TAF1: variants seen among roughly 807,000 people sequenced by gnomAD.
TAF1 encodes the protein TATA-box binding protein associated factor 1.
A neutral mutation model predicts 138.5 loss-of-function variants in TAF1; 2 were observed. The observed-to-expected ratio is 0.01, with a 90% CI of 0.01 to 0.05. The LOEUF is 0.05. TAF1 is among the 10% of genes least tolerant of loss of function. The pLI, the probability that TAF1 is intolerant of heterozygous loss-of-function variation, is 1.00. For missense variants in TAF1, 709 were observed against 1,478.0 expected, an observed-to-expected ratio of 0.48 and a Z score of 8.53; for synonymous variants, 437 against 503.2, an observed-to-expected ratio of 0.87 and a Z score of 1.76.
chrX:71,388,861 G>A lies in TAF1; in HGVS notation c.2693G>A (p.Arg898Gln). The stretch of plus-strand genomic sequence containing the variant: ...TATAGCATGATAGCTGCAGAGCAAC[G>A]ACTGAAGGTGAACACCTTCCTCTTA... ...AYYSMIAAEQ[R>Q]LKDAGYGEKS... The change falls in exon 17 of 38, where the codon CGA becomes CAA. Residue 898 changes from arginine to glutamine, a missense_variant. This residue lies in a region of TAF1 where 23 missense variants were observed against 24.4 expected (regional missense o/e 0.94). Transcript: ENST00000423759. 3.3e-6 allele frequency: 4 copies of A among 1,205,301 alleles called. No individual in the cohort carries two copies. The highest frequency in any genetic ancestry group is 4.5e-6 in the Non-Finnish European group (4 of 891,475).
chrX:71,474,503 CTA>C (rs755393278), intron 13 of TAF1, among the ~76,000 whole-genome samples: 36 of 111,380 alleles, frequency 3.2e-4, no homozygotes, highest in Non-Finnish European at 6.6e-4. Context: ...TGGTGACTGA[CTA>C]TTATTGGCAG....
intron 13 of TAF1, among the ~76,000 whole-genome samples, chrX:71,513,725 C>CT (rs1224287745): frequency 3.6e-5 from 4 of 111,213 alleles, no homozygotes; most frequent in African/African-American, 6.5e-5. Context: ...ATAAAAACTT[C>CT]TTTTTTTTAA....
chrX:71,383,923 C>G (rs755218670), intron 12 of TAF1, 39 bp from the exon 13 acceptor site: 1 of 1,183,409 alleles, frequency 8.5e-7, no homozygotes, highest in South Asian at 1.9e-5. Flanking sequence ...TAGTAGTGTC[C>G]TGTCAGGAGC....
Position 71,379,596 on chromosome X carries a change from C to CT in TAF1, c.1360+585dup, listed in dbSNP as rs10714417. Among the ~76,000 whole-genome samples the CT allele has an allele frequency of 6.9e-3, 400 of 57,558 alleles. 8 individuals carry two copies. Among genetic ancestry groups the CT allele is most frequent in the Middle Eastern group, 0.022 (2 of 93 alleles). 50.0% of individuals were successfully genotyped at this position (57,558 alleles called of 115,157 possible). A position where few individuals can be genotyped will look rare whatever the true frequency, so the allele number is the denominator to read the frequency against. On this transcript the variant is annotated intron_variant, in intron 8 of 37. Coordinates refer to ENST00000423759, the MANE Select transcript of TAF1 (RefSeq NM_004606.5). Reference sequence around the variant, plus strand: ...TTTCTTAAAAACATGTGATAAAGATCTTTTTTTTTTTTTTTTTTTTGAGAC... The same window carrying CT: ...TTTCTTAAAAACATGTGATAAAGATCTTTTTTTTTTTTTTTTTTTTTGAGAC...
intron 28 of TAF1, among the ~76,000 whole-genome samples, chrX:71,413,039 A>G (rs773991127): frequency 2.7e-5 from 3 of 111,795 alleles, no homozygotes; most frequent in South Asian, 3.7e-4. Context: ...TTGATGCTCT[A>G]AGGAAATCCT....
chrX:71,405,255 G>A (rs183997043), intron 25 of TAF1, among the ~76,000 whole-genome samples: 56 of 109,017 alleles, frequency 5.1e-4, no homozygotes, highest in Admixed American at 3.2e-3. Flanking sequence ...CACCATGCCC[G>A]GCCTTCCAAA....
intron 28 of TAF1, among the ~76,000 whole-genome samples, chrX:71,416,273 C>T (rs1423427433): frequency 2.8e-5 from 2 of 72,642 alleles, no homozygotes; most frequent in Non-Finnish European, 5.5e-5. Context: ...GTAGTCCCAG[C>T]TACTTGGGAT....
chrX:71,438,509 TTTTC>T (rs1195027745), intron 32 of TAF1, among the ~76,000 whole-genome samples: 1 of 112,123 alleles, frequency 8.9e-6, no homozygotes, highest in Non-Finnish European at 1.9e-5. Context: ...TCTCTCACTA[TTTTC>T]TTTGTCTTCC....
intron 32 of TAF1, among the ~76,000 whole-genome samples, chrX:71,429,969 A>G (rs2036794216): frequency 8.9e-6 from 1 of 112,040 alleles, no homozygotes; most frequent in Admixed American, 9.5e-5. Context: ...CTTCACTTCT[A>G]GGGACTACTC....
Position 71,459,120 on chromosome X carries a change from A to C in TAF1, c.5065-432A>C, listed in dbSNP as rs771654381. 6.8e-6 allele frequency: 7 copies of C among 1,022,697 alleles called. No homozygotes were observed. In the East Asian group the frequency reaches 3.8e-4, roughly 56 times the overall value. 84.3% of individuals were successfully genotyped at this position (1,022,697 alleles called of 1,213,427 possible). ...AACTCCTCCTACAGGCACGTCCCTC[A>C]ATGATGTGCTATTTGTGTTCCTTAC... On this transcript the variant is annotated intron_variant, in intron 35 of 37. Coordinates refer to ENST00000423759, the MANE Select transcript of TAF1 (RefSeq NM_004606.5).
At chrX:71,403,163 G>A (rs949206045) in intron 25 of TAF1, among the ~76,000 whole-genome samples, 1 of 109,885 alleles carries the variant, frequency 9.1e-6, no homozygotes, top group Admixed American at 9.9e-5. Flanking sequence ...GGAGTAGTTG[G>A]GACTACAGGT....
intron 28 of TAF1, chrX:71,420,486 C>T (rs761141325): frequency 4.4e-4 from 534 of 1,201,311 alleles, no homozygotes; most frequent in Non-Finnish European, 5.8e-4. Flanking sequence ...ATAGATGGAA[C>T]GGGCATCGGC....
Position 71,464,020 on chromosome X carries a change from G to A in TAF1, c.5596G>A (p.Asp1866Asn), listed in dbSNP as rs779974166. ...DSEDFHSIAG[D>N]SDLDSDE ...TGAGGATTTCCACTCCATTGCTGGG[G>A]ACAGTGACTTGGACTCTGATGAATG... The change falls in exon 38 of 38, where the codon GAC (aspartate) becomes AAC (asparagine). Residue 1866 changes from aspartate to asparagine, a missense_variant. This residue lies in a region of TAF1 where 123 missense variants were observed against 174.7 expected (regional missense o/e 0.70). Transcript: ENST00000423759. The A allele has an allele frequency of 5.0e-6, 6 of 1,193,250 alleles. No individual in the cohort carries two copies. In the African/African-American group the frequency reaches 1.1e-4, roughly 21 times the overall value.
chrX:71,459,176 C>T (rs779700240), intron 35 of TAF1: 38 of 1,079,831 alleles, frequency 3.5e-5, no homozygotes, highest in Non-Finnish European at 4.3e-5. Context: ...GTAGGCTGGG[C>T]GAGGAAGACT....
At chrX:71,490,443 T>C (rs2039253146) in intron 13 of TAF1, among the ~76,000 whole-genome samples, 1 of 111,943 alleles carries the variant, frequency 8.9e-6, no homozygotes, top group South Asian at 3.7e-4. Context: ...TTTTTTTTTT[T>C]TGAGACGGAG....
At chrX:71,502,631 G>A (rs1183201271) in intron 13 of TAF1, among the ~76,000 whole-genome samples, 3 of 112,741 alleles carry the variant, frequency 2.7e-5, no homozygotes, top group Admixed American at 9.4e-5. Context: ...TTTTGTATAT[G>A]TATCATTTAA....
chrX:71,397,323 T>A lies in TAF1; in HGVS notation c.3477T>A (p.Ser1159=). The change falls in exon 23 of 38, where the codon TCT becomes TCA. Residue 1159 remains serine (S), a synonymous_variant. Coordinates refer to ENST00000423759, the MANE Select transcript of TAF1 (RefSeq NM_004606.5). ...CAGCTTCCGTGACTAGCCTTAACTC[T>A]TCTGCCACTGGACGCTGTCTCAAGA... The part of the protein sequence containing the change: ...DDTASVTSLN[S]SATGRCLKIY... 8.3e-7 allele frequency: 1 copy of A among 1,211,779 alleles called. No individual in the cohort carries two copies. The highest frequency in any genetic ancestry group is 1.1e-6 in the Non-Finnish European group (1 of 895,580).
chrX:71,512,386 A>G (rs1308956445), intron 13 of TAF1, among the ~76,000 whole-genome samples: 1 of 112,366 alleles, frequency 8.9e-6, no homozygotes, highest in Non-Finnish European at 1.9e-5. Context: ...GTATTCACAC[A>G]TACAAAGTAC....
chrX:71,398,756 G>A lies in TAF1; in HGVS notation c.3786+19G>A, dbSNP rs373090176. On this transcript the variant is annotated intron_variant, in intron 24 of 37. Coordinates refer to ENST00000423759, the MANE Select transcript of TAF1 (RefSeq NM_004606.5). ...CCTAAAAGTAAGTATAATGTGGTGT[G>A]ATTACAGCTAACGGAGCAAAGGAAG... 1.7e-6 allele frequency: 2 copies of A among 1,176,194 alleles called. No homozygotes were observed. The highest frequency in any genetic ancestry group is 2.3e-6 in the Non-Finnish European group (2 of 880,576).
Sources: allele counts gnomAD v4.1 joint callset (sites outside exome capture counted in the v4.1 genomes callset), GRCh38; gene constraint gnomAD v4.1.1; regional missense constraint gnomAD v4.1.1; transcripts MANE v1.5; gene names NCBI Gene and HGNC (gene_info 2026-07-23, HGNC 2026-07-21).